ZDHHC13: variants seen among roughly 807,000 people sequenced by gnomAD.
ZDHHC13 encodes zDHHC palmitoyltransferase 13, also known as palmitoyltransferase ZDHHC13.
A neutral mutation model predicts 86.0 loss-of-function variants in ZDHHC13; 85 were observed. That is an observed-to-expected ratio of 0.99 (90% CI 0.83 to 1.18). ZDHHC13 has a LOEUF of 1.18. ZDHHC13 is among the 50% of genes most tolerant of loss of function. ZDHHC13 has a pLI of 0.00. For synonymous variants in ZDHHC13, 263 were observed against 246.4 expected (o/e 1.07, Z -0.63); for missense variants, 711 against 730.2 (o/e 0.97, Z 0.30).
In ZDHHC13 at chr11:19,170,579, CTCT is replaced by C; in HGVS notation, c.1632+16_1632+18del. ...AATCAACTCTTTCAGGTATTTATTT[CTCT>C]TCTTATAATGGCTTTGAGTAAAATT... On this transcript the variant is annotated intron_variant, in intron 15 of 16. Transcript: ENST00000446113. 2 of 1,511,460 alleles carry C rather than the reference CTCT, an allele frequency of 1.3e-6. No individual in the cohort carries two copies. The highest frequency in any genetic ancestry group is 1.8e-6 in the Non-Finnish European group (2 of 1,136,136). 93.6% of individuals were successfully genotyped at this position (1,511,460 alleles called of 1,614,324 possible).
At chr11:19,150,149 G>A (rs1477507465) in intron 5 of ZDHHC13, among the ~76,000 whole-genome samples, 2 of 152,078 alleles carry the variant, frequency 1.3e-5, no homozygotes, top group African/African-American at 2.4e-5. Context: ...AACCATTGCT[G>A]TATACCTTAA....
chr11:19,172,900 T>C (rs1850262572), intron 16 of ZDHHC13, 80 bp downstream of exon 16: 3 of 1,270,036 alleles, frequency 2.4e-6, no homozygotes, highest in East Asian at 2.6e-5. Context: ...CCACTACCCA[T>C]GGCCATGCTG....
chr11:19,162,389 T>C (rs1448203021), intron 10 of ZDHHC13, among the ~76,000 whole-genome samples: 1 of 152,186 alleles, frequency 6.6e-6, no homozygotes, highest in Non-Finnish European at 1.5e-5. Context: ...AGATAAAGCA[T>C]TCTTAAATTC....
At chr11:19,152,112 C>T (rs1418893609) in intron 6 of ZDHHC13, 46 bp from the exon 7 acceptor site, 1 of 1,583,472 alleles carries the variant, frequency 6.3e-7, no homozygotes, top group Non-Finnish European at 8.6e-7. Context: ...CTCCTTAAGT[C>T]ATCATCTCTG....
chr11:19,151,559 C>T (rs1466846287), intron 6 of ZDHHC13, among the ~76,000 whole-genome samples: 2 of 151,754 alleles, frequency 1.3e-5, no homozygotes, highest in African/African-American at 2.4e-5. Flanking sequence ...GGTATAATCT[C>T]TATAAAGATA....
intron 1 of ZDHHC13, among the ~76,000 whole-genome samples, chr11:19,128,950 C>T (rs973540519): frequency 6.6e-6 from 1 of 152,122 alleles, no homozygotes. Flanking sequence ...TGCTATACTG[C>T]CCAGGTCTGT....
rs76265258 is a variant in ZDHHC13, at chr11:19,161,667, A to G, written c.1109-1636A>G. 5.6e-3 allele frequency among the ~76,000 whole-genome samples: 838 copies of G among 150,254 alleles called. 19 individuals carry two copies. The highest frequency in any genetic ancestry group is 0.02 in the African/African-American group (790 of 39,738). ...TTCAAACTCAGGAGAGAAATGGTGA[A>G]TCACTGAATATTACATTTGTGATAT... On this transcript the variant is annotated intron_variant, in intron 10 of 16. Coordinates refer to ENST00000446113, the MANE Select transcript of ZDHHC13 (RefSeq NM_019028.3).
intron 14 of ZDHHC13, chr11:19,169,547 G>A (rs1850162048): frequency 1.0e-6 from 1 of 985,450 alleles, no homozygotes; most frequent in Non-Finnish European, 1.2e-6. Context: ...TTATCAAATT[G>A]TCAGAGGCAT....
In ZDHHC13 at chr11:19,149,086, A is replaced by G. The variant is rs187866762; in HGVS notation, c.375-101A>G. The G allele has an allele frequency of 9.5e-3, 10,459 of 1,106,570 alleles. 70 individuals carry two copies. The highest frequency in any genetic ancestry group is 0.011 in the Non-Finnish European group (9,750 of 854,910). 68.5% of individuals were successfully genotyped at this position (1,106,570 alleles called of 1,614,324 possible). ...ATCTTACTGTTAGGAAATATTTTTT[A>G]TATGTAACCAAAATCCCTCATGTCT... On this transcript the variant is annotated intron_variant, in intron 4 of 16. Coordinates refer to ENST00000446113, the MANE Select transcript of ZDHHC13 (RefSeq NM_019028.3).
chr11:19,147,637 G>A lies in ZDHHC13; in HGVS notation c.338G>A (p.Gly113Glu). 2 of 1,602,880 alleles carry A rather than the reference G, an allele frequency of 1.2e-6. No homozygotes were observed. The highest frequency in any genetic ancestry group is 2.3e-5 in the South Asian group (2 of 88,758). ...GGTGCTGTTGTAGATCAGTTGGGTGGAGATTTAAATTCAACTCCTCTTCAC... is the reference window on the plus strand; with the variant it reads ...GGTGCTGTTGTAGATCAGTTGGGTGAAGATTTAAATTCAACTCCTCTTCAC... ...SKGAVVDQLG[G>E]DLNSTPLHWA... The change falls in exon 4 of 17, where the codon GGA (glycine) becomes GAA (glutamate). Residue 113 changes from glycine (G) to glutamate (E), a missense_variant. Physicochemically the swap from Gly to Glu is moderately conservative, Grantham distance 98. Transcript: ENST00000446113.
chr11:19,129,866 G>C (rs1432152986), intron 1 of ZDHHC13, among the ~76,000 whole-genome samples: 1 of 152,148 alleles, frequency 6.6e-6, no homozygotes, highest in African/African-American at 2.4e-5. Context: ...GCCGAGGCGG[G>C]TGGATCATGA....
chr11:19,171,222 C>G (rs1850212101), intron 15 of ZDHHC13, among the ~76,000 whole-genome samples: 1 of 152,160 alleles, frequency 6.6e-6, no homozygotes, highest in Non-Finnish European at 1.5e-5. Context: ...TCAGCTTTCT[C>G]CAAAGCTTTA....
At chr11:19,151,846 A>T (rs1290151686) in intron 6 of ZDHHC13, among the ~76,000 whole-genome samples, 2 of 152,132 alleles carry the variant, frequency 1.3e-5, no homozygotes, top group African/African-American at 4.8e-5. Flanking sequence ...CTAAAGTTAA[A>T]TCTATATTCA....
chr11:19,152,486 G>A, intron 7 of ZDHHC13, 73 bp from the exon 8 acceptor site: 2 of 1,477,938 alleles, frequency 1.4e-6, no homozygotes, highest in Non-Finnish European at 9.0e-7. Context: ...TGATTCTGGT[G>A]TTTTTAAAAA....
At chr11:19,139,685 C>G (rs1849252889) in intron 1 of ZDHHC13, among the ~76,000 whole-genome samples, 7 of 151,296 alleles carry the variant, frequency 4.6e-5, no homozygotes, top group Middle Eastern at 3.4e-3. Context: ...CTACAGTAAC[C>G]AAAACAGCAT....
intron 1 of ZDHHC13, among the ~76,000 whole-genome samples, chr11:19,131,208 C>T (rs1848993360): frequency 1.3e-5 from 2 of 152,104 alleles, no homozygotes; most frequent in East Asian, 3.9e-4. Context: ...TCAGTAGAGA[C>T]GGGGTTTCAC....
In ZDHHC13 at chr11:19,136,101, G is replaced by C. The variant is rs573406773; in HGVS notation, c.28-6877G>C. On this transcript the variant is annotated intron_variant, in intron 1 of 16. Transcript: ENST00000446113. The stretch of plus-strand genomic sequence containing the variant: ...TGACTTTGACGAGCTGAGAGAAGAA[G>C]GCTTCAGACGATCAAATTACTCTGA... 2.8e-4 allele frequency among the ~76,000 whole-genome samples: 43 copies of C among 152,326 alleles called. 1 individual carries two copies. The South Asian group carries it at 8.7e-3, about 31-fold the overall frequency.
intron 1 of ZDHHC13, among the ~76,000 whole-genome samples, chr11:19,118,429 C>G (rs1342461222): frequency 1.3e-5 from 2 of 152,226 alleles, no homozygotes; most frequent in Non-Finnish European, 2.9e-5. Context: ...CTCAGGCAGA[C>G]TGGATTTTAC....
intron 1 of ZDHHC13, among the ~76,000 whole-genome samples, chr11:19,141,930 A>G (rs1276274661): frequency 1.3e-5 from 2 of 152,176 alleles, no homozygotes; most frequent in Non-Finnish European, 2.9e-5. Flanking sequence ...TCACTTCTGT[A>G]TTAGTTACCC....
Sources: gnomAD v4.1 joint callset for allele counts (sites outside exome capture counted in the v4.1 genomes callset) on GRCh38, gnomAD v4.1.1 for gene constraint, MANE v1.5 for transcripts, NCBI Gene and HGNC (gene_info 2026-07-23, HGNC 2026-07-21) for gene names.